LY75: variants seen among roughly 807,000 people sequenced by gnomAD.
LY75 encodes the protein C-type lectin domain family 13 member B.
In LY75, 185 loss-of-function variants were observed where a neutral mutation model predicts 231.7. The observed-to-expected ratio is 0.80, with a 90% confidence interval of 0.71 to 0.90. The LOEUF is 0.90. LY75 is among the 40% of genes least tolerant of loss of function. The probability of loss-of-function intolerance (pLI) is 0.00; values close to 1 mark genes in which losing one functional copy is unlikely to be tolerated. For synonymous variants in LY75, 668 were observed against 689.0 expected, an observed-to-expected ratio of 0.97 and a Z score of 0.48; for missense variants, 1,947 against 2,050.2, an observed-to-expected ratio of 0.95 and a Z score of 0.97.
chr2:159,894,003 C>T lies in LY75; in HGVS notation c.548G>A (p.Cys183Tyr). ...CCCACTATGATCTTCATCAAGAATGCAATCATGATGCCAGGTCCCATCAAT... is the reference window on the plus strand; with the variant it reads ...CCCACTATGATCTTCATCAAGAATGTAATCATGATGCCAGGTCCCATCAAT... ...FLIDGTWHHD[C>Y]ILDEDHSGPW... is the part of the protein sequence containing the mutation. The change falls in exon 3 of 35, where the codon TGC becomes TAC. Residue 183 changes from cysteine to tyrosine, a missense_variant. By Grantham distance (194) the Cys-to-Tyr change is radical. Coordinates refer to ENST00000263636, the MANE Select transcript of LY75 (RefSeq NM_002349.4). 6.2e-7 allele frequency: 1 copy of T among 1,613,876 alleles called. No individual in the cohort carries two copies. Among genetic ancestry groups the T allele is most frequent in the South Asian group, 1.1e-5 (1 of 91,072 alleles).
At chr2:159,884,709 G>C (rs1407968910) in intron 6 of LY75, among the ~76,000 whole-genome samples, 3 of 152,070 alleles carry the variant, frequency 2.0e-5, no homozygotes, top group African/African-American at 7.2e-5. Context: ...GAACCACCTG[G>C]AAAGTTTCTT....
rs148031910 is a variant in LY75 at position 159,854,493 on chromosome 2, C to G, written c.2462G>C (p.Ser821Thr). 6.2e-7 allele frequency: 1 copy of G among 1,613,376 alleles called. No individual in the cohort carries two copies. Among genetic ancestry groups the G allele is most frequent in the African/African-American group, 1.3e-5 (1 of 75,034 alleles). The change falls in exon 18 of 35, where the codon AGT becomes ACT. Residue 821 changes from serine (S) to threonine (T), a missense_variant. Physicochemically the swap from Ser to Thr is moderately conservative, Grantham distance 58. Coordinates refer to ENST00000263636, the MANE Select transcript of LY75 (RefSeq NM_002349.4). ...AAGATCAGCAACAAACCAATATTCA[C>G]TTCCTTCAATTATAAGTGGAGGTCC... is the stretch of plus-strand genomic sequence containing the variant. ...IHGPPLIIEG[S>T]EYWFVADLHL...
At chr2:159,821,612 T>A (rs1444694629) in intron 28 of LY75, among the ~76,000 whole-genome samples, 2 of 103,460 alleles carry the variant, frequency 1.9e-5, no homozygotes. Flanking sequence ...AGAGCAAAAG[T>A]CTGTCTCAAA....
In LY75 at chr2:159,887,778, G is replaced by A. The variant is rs140144580; in HGVS notation, c.803-1248C>T. 2.0e-5 allele frequency among the ~76,000 whole-genome samples: 3 copies of A among 152,072 alleles called. No homozygotes were observed. In the East Asian group the frequency reaches 5.8e-4, roughly 29 times the overall value. On this transcript the variant is annotated intron_variant, in intron 4 of 34. Transcript: ENST00000263636. ...TATGTATTAAATACGGGGCATGTCC[G>A]GCCAGGAGTAGGGTACAATAAGGTC...
At chr2:159,834,337 G>C in intron 26 of LY75, 126 bp from the exon 27 acceptor site, 1 of 1,256,444 alleles carries the variant, frequency 8.0e-7, no homozygotes, top group Non-Finnish European at 1.1e-6. Flanking sequence ...GGTGAAGCCT[G>C]TCTCTGTTTA....
At chr2:159,845,629 C>A (rs1684178193) in intron 23 of LY75, among the ~76,000 whole-genome samples, 1 of 151,826 alleles carries the variant, frequency 6.6e-6, no homozygotes. Flanking sequence ...ATTTACATAG[C>A]ATTTACATTG....
chr2:159,854,453 T>C lies in LY75; in HGVS notation c.2502A>G (p.Glu834=). The change falls in exon 18 of 35, where the codon GAA becomes GAG. Residue 834 remains glutamate (E), a synonymous_variant. Coordinates refer to ENST00000263636, the MANE Select transcript of LY75 (RefSeq NM_002349.4). ...WFVADLHLNY[E]EAVLYCASNH... Reference sequence around the variant, plus strand: ...TGCTGGCACAGTACAGGACGGCTTCTTCATAGTTTAGGTGAAGATCAGCAA... The same window carrying C: ...TGCTGGCACAGTACAGGACGGCTTCCTCATAGTTTAGGTGAAGATCAGCAA... The C allele has an allele frequency of 6.2e-7, 1 of 1,613,694 alleles. No individual in the cohort carries two copies. Among genetic ancestry groups the C allele is most frequent in the South Asian group, 1.1e-5 (1 of 91,044 alleles).
chr2:159,854,683 G>C (rs1389180236), intron 17 of LY75, 148 bp from the exon 18 acceptor site: 1 of 1,167,432 alleles, frequency 8.6e-7, no homozygotes, highest in African/African-American at 1.6e-5. Context: ...AGGAACAAGA[G>C]ATTCCTGAGC....
At chr2:159,833,105 T>C (rs998460964) in intron 27 of LY75, among the ~76,000 whole-genome samples, 1 of 151,780 alleles carries the variant, frequency 6.6e-6, no homozygotes, top group Non-Finnish European at 1.5e-5. Context: ...TCTGCTCTCT[T>C]GTGTGTCATT....
chr2:159,877,841 C>A (rs993707647), intron 11 of LY75, among the ~76,000 whole-genome samples: 1 of 152,090 alleles, frequency 6.6e-6, no homozygotes, highest in Admixed American at 6.6e-5. Context: ...TGCATTCCAG[C>A]CTGGGCAACA....
At chr2:159,873,084 A>C (rs1487691486) in intron 12 of LY75, among the ~76,000 whole-genome samples, 1 of 152,178 alleles carries the variant, frequency 6.6e-6, no homozygotes, top group African/African-American at 2.4e-5. Context: ...AGAAAGTGGC[A>C]AAAGTAAACC....
chr2:159,890,479 A>C, intron 3 of LY75, 102 bp from the exon 4 acceptor site: 1 of 1,510,598 alleles, frequency 6.6e-7, no homozygotes, highest in Non-Finnish European at 8.9e-7. Flanking sequence ...TACTCTTAGG[A>C]TATGCCCAAA....
At chr2:159,826,924 A>T (rs1683488408) in intron 28 of LY75, among the ~76,000 whole-genome samples, 1 of 151,902 alleles carries the variant, frequency 6.6e-6, no homozygotes, top group Non-Finnish European at 1.5e-5. Context: ...CTGAAACTGG[A>T]CCCCCCTTCC....
rs1685835171 is a variant in LY75 at position 159,893,993 on chromosome 2, A to C, written c.558T>G (p.Asp186Glu). 4.0e-5 allele frequency: 64 copies of C among 1,613,966 alleles called. No homozygotes were observed. Among genetic ancestry groups the C allele is most frequent in the Non-Finnish European group, 5.3e-5 (63 of 1,179,892 alleles). Residue 186 changes from aspartate to glutamate, a missense_variant, in exon 3 of 35, where the codon GAT becomes GAG. By Grantham distance (45) the Asp-to-Glu change is conservative. Coordinates refer to ENST00000263636, the MANE Select transcript of LY75 (RefSeq NM_002349.4). ...DGTWHHDCIL[D>E]EDHSGPWCAT... is the part of the protein sequence containing the mutation. The stretch of plus-strand genomic sequence containing the variant: ...CACACCATGGCCCACTATGATCTTC[A>C]TCAAGAATGCAATCATGATGCCAGG...
At chr2:159,878,242 A>T in intron 11 of LY75, 82 bp downstream of exon 11, 1 of 1,519,186 alleles carries the variant, frequency 6.6e-7, no homozygotes, top group Non-Finnish European at 8.8e-7. Flanking sequence ...ACATTTCAAA[A>T]GTAAGTGAGG....
chr2:159,845,272 A>T (rs1684167090), intron 23 of LY75, among the ~76,000 whole-genome samples: 1 of 152,202 alleles, frequency 6.6e-6, no homozygotes, highest in Admixed American at 6.5e-5. Context: ...TGGATGAAAA[A>T]TGACTAATAA....
intron 34 of LY75, among the ~76,000 whole-genome samples, chr2:159,806,352 T>C (rs1217468701): frequency 6.6e-6 from 1 of 152,198 alleles, no homozygotes; most frequent in East Asian, 1.9e-4. Flanking sequence ...TTACCTAGAA[T>C]TGAGGTTTTA....
chr2:159,832,504 G>A (rs1017267437), intron 27 of LY75, among the ~76,000 whole-genome samples: 1 of 152,180 alleles, frequency 6.6e-6, no homozygotes, highest in African/African-American at 2.4e-5. Context: ...CTATACGACA[G>A]ATCTTCCTTT....
chr2:159,874,686 A>AATATATGTAAATATATATATTTTGTAAAT (rs1685181442), intron 12 of LY75, among the ~76,000 whole-genome samples: 1 of 46,252 alleles, frequency 2.2e-5, no homozygotes, highest in Non-Finnish European at 4.9e-5. Context: ...AATATATGTA[A>AATATATGTAAATATATATATTTTGTAAAT]ATATATATAT....
Sources: gnomAD v4.1 joint callset for allele counts (sites outside exome capture counted in the v4.1 genomes callset) on GRCh38, gnomAD v4.1.1 for gene constraint, MANE v1.5 for transcripts, NCBI Gene and HGNC (gene_info 2026-07-23, HGNC 2026-07-21) for gene names.